PPP2R3A: variants seen among roughly 807,000 people sequenced by gnomAD.
PPP2R3A encodes protein phosphatase 2 regulatory subunit B''alpha, also known as serine/threonine-protein phosphatase 2A regulatory subunit B'' subunit alpha.
In PPP2R3A, 80 loss-of-function variants were observed where a neutral mutation model predicts 106.9. The ratio of observed to expected loss-of-function variants is 0.75; its 90% CI spans 0.62 to 0.90. The LOEUF (loss-of-function observed/expected upper bound fraction) is 0.90, where lower values mean the gene tolerates loss of function less well. Among genes scored for constraint, PPP2R3A ranks in the 40% least tolerant of loss-of-function variants. The pLI, the probability that PPP2R3A is intolerant of heterozygous loss-of-function variation, is 0.00. For synonymous variants in PPP2R3A, 483 were observed against 468.3 expected (o/e 1.03, Z -0.41); for missense variants, 1,386 against 1,350.4 (o/e 1.03, Z -0.41).
At chr3:136,115,594 G>C (rs1036495602) in intron 13 of PPP2R3A, among the ~76,000 whole-genome samples, 6 of 151,634 alleles carry the variant, frequency 4.0e-5, no homozygotes, top group African/African-American at 1.5e-4. Context: ...CAAGAACCTC[G>C]TGAAGCATAT....
At position 135,972,680 on chromosome 3, in the gene PPP2R3A, A is replaced by T. The variant is rs559216468; in HGVS notation, c.-441+6831A>T. On this transcript the variant is annotated intron_variant, in intron 1 of 13. Transcript: ENST00000264977. The stretch of plus-strand genomic sequence containing the variant: ...GGGTGTGAAGTGGTGCCTCATTGTG[A>T]TTTTTATTTGTATTTCCCTAATGAC... Among the ~76,000 whole-genome samples the T allele has an allele frequency of 2.6e-4, 39 of 152,066 alleles. No homozygotes were observed. The South Asian group carries it at 7.9e-3, about 31-fold the overall frequency.
rs116276023 is a variant in PPP2R3A at position 136,089,469 on chromosome 3, G to C, written c.2838-1109G>C. Among the ~76,000 whole-genome samples the C allele has an allele frequency of 2.0e-3, 308 of 152,164 alleles. 2 individuals are homozygous for C. The highest frequency in any genetic ancestry group is 7.0e-3 in the African/African-American group (291 of 41,514). ...TCTGTTTTTGTACCAGTACCATGCT[G>C]TTTTGGATACAGTAGCCTTATAGTG... On this transcript the variant is annotated intron_variant, in intron 9 of 13. Transcript: ENST00000264977.
At chr3:135,970,078 C>T (rs1289318183) in intron 1 of PPP2R3A, among the ~76,000 whole-genome samples, 1 of 152,162 alleles carries the variant, frequency 6.6e-6, no homozygotes, top group Non-Finnish European at 1.5e-5. Flanking sequence ...TGCTGTGGTC[C>T]ACCTAAGAAA....
chr3:136,062,956 T>C (rs1936127491), intron 5 of PPP2R3A, among the ~76,000 whole-genome samples: 1 of 152,188 alleles, frequency 6.6e-6, no homozygotes, highest in Admixed American at 6.5e-5. Flanking sequence ...AGAGCTAGCA[T>C]TGCCAAGTCA....
chr3:136,071,501 T>C (rs1379341744), intron 6 of PPP2R3A, among the ~76,000 whole-genome samples: 1 of 152,210 alleles, frequency 6.6e-6, no homozygotes, highest in Non-Finnish European at 1.5e-5. Flanking sequence ...CTGTTAACCG[T>C]GACACTCTAC....
At chr3:136,101,982 G>A (rs927429912) in intron 10 of PPP2R3A, 25 bp from the exon 11 acceptor site, 22 of 1,599,470 alleles carry the variant, frequency 1.4e-5, no homozygotes, top group Non-Finnish European at 1.9e-5. Flanking sequence ...CCAGGCCCAT[G>A]ATAATGATTG....
At position 136,006,777 on chromosome 3, in the gene PPP2R3A, A is replaced by G. The variant is rs895767572; in HGVS notation, c.1995+3284A>G. 2.6e-5 allele frequency among the ~76,000 whole-genome samples: 4 copies of G among 152,240 alleles called. 1 individual carries two copies. In the South Asian group the frequency reaches 8.3e-4, roughly 31 times the overall value. ...TCCCAGGGGAATTCAGCAAGAGACT[A>G]TATAGATATATATGAATCCATTATT... On this transcript the variant is annotated intron_variant, in intron 2 of 13. Coordinates refer to ENST00000264977, the MANE Select transcript of PPP2R3A (RefSeq NM_002718.5).
rs150842373 is a variant in PPP2R3A, at chr3:136,113,563, G to A, written c.3329+7241G>A. On this transcript the variant is annotated intron_variant, in intron 13 of 13. Coordinates refer to ENST00000264977, the MANE Select transcript of PPP2R3A (RefSeq NM_002718.5). ...CAGCACTTTTTGGGAGGCCAAGGCG[G>A]GAGGATCACTTGAGGCTAGGAGTTC... Among the ~76,000 whole-genome samples the A allele has an allele frequency of 6.2e-3, 947 of 152,260 alleles. 13 individuals are homozygous for A. Among genetic ancestry groups the A allele is most frequent in the African/African-American group, 0.022 (898 of 41,556 alleles).
rs778787073 is a variant in PPP2R3A at position 136,002,264 on chromosome 3, A to G, written c.766A>G (p.Lys256Glu). ...AGACATCATAAAACAATGCATAAAG[A>G]AAAAATCAGGGAGTAGCATCAGTGA... is the stretch of plus-strand genomic sequence containing the variant. The part of the protein sequence containing the change: ...CTDIIKQCIK[K>E]KSGSSISEGS... The change falls in exon 2 of 14, where the codon AAA becomes GAA. Residue 256 changes from lysine to glutamate, a missense_variant. Physicochemically the swap from Lys to Glu is moderately conservative, Grantham distance 56. Transcript: ENST00000264977. 6.2e-6 allele frequency: 10 copies of G among 1,613,920 alleles called. No homozygotes were observed. The Admixed American group carries it at 1.7e-4, about 27-fold the overall frequency.
intron 10 of PPP2R3A, among the ~76,000 whole-genome samples, chr3:136,101,240 G>A (rs572844317): frequency 1.3e-5 from 2 of 152,290 alleles, no homozygotes; most frequent in South Asian, 2.1e-4. Flanking sequence ...TTAGTAGCAA[G>A]TACACAGAAA....
chr3:136,033,419 T>C (rs1339019626), intron 3 of PPP2R3A, among the ~76,000 whole-genome samples: 1 of 152,146 alleles, frequency 6.6e-6, no homozygotes, highest in Non-Finnish European at 1.5e-5. Flanking sequence ...TTAGGGAGGG[T>C]TCCCTGTTTC....
intron 1 of PPP2R3A, among the ~76,000 whole-genome samples, chr3:135,992,007 C>A (rs1314984658): frequency 6.6e-6 from 1 of 152,052 alleles, no homozygotes; most frequent in East Asian, 1.9e-4. Flanking sequence ...ATCAGAAAAT[C>A]TTTTCTATAA....
intron 5 of PPP2R3A, among the ~76,000 whole-genome samples, chr3:136,064,451 C>T (rs1426529564): frequency 4.0e-5 from 6 of 151,774 alleles, no homozygotes; most frequent in Non-Finnish European, 8.8e-5. Context: ...TGCATGGGTT[C>T]TATACTAATG....
chr3:136,014,887 A>G (rs1173098039), intron 2 of PPP2R3A, among the ~76,000 whole-genome samples: 1 of 152,108 alleles, frequency 6.6e-6, no homozygotes, highest in Non-Finnish European at 1.5e-5. Context: ...GAAAGTGGGC[A>G]TCCTTGTCTT....
Position 136,002,059 on chromosome 3 carries a change from G to T in PPP2R3A, c.561G>T (p.Leu187Phe). The T allele has an allele frequency of 1.2e-6, 2 of 1,613,924 alleles. No individual in the cohort carries two copies. Among genetic ancestry groups the T allele is most frequent in the South Asian group, 1.1e-5 (1 of 91,000 alleles). ...LRSSSVEEKP[L>F]SHRNSLDTNL... ...GTTCCTCAGTTGAGGAAAAACCTTT[G>T]TCTCATAGAAACTCACTGGATACGA... The change falls in exon 2 of 14, where the codon TTG becomes TTT. Residue 187 changes from leucine (L) to phenylalanine (F), a missense_variant. Coordinates refer to ENST00000264977, the MANE Select transcript of PPP2R3A (RefSeq NM_002718.5).
At chr3:135,982,002 G>A (rs1322079192) in intron 1 of PPP2R3A, among the ~76,000 whole-genome samples, 1 of 151,796 alleles carries the variant, frequency 6.6e-6, no homozygotes, top group Non-Finnish European at 1.5e-5. Context: ...GGAGAGGCAA[G>A]AGTGGAAGCA....
intron 4 of PPP2R3A, 131 bp downstream of exon 4, chr3:136,041,093 C>A: frequency 1.6e-6 from 1 of 639,846 alleles, no homozygotes; most frequent in Non-Finnish European, 2.5e-6. Flanking sequence ...AAGGAAAATT[C>A]AATGATTTAC....
intron 3 of PPP2R3A, among the ~76,000 whole-genome samples, chr3:136,032,913 T>C (rs1336965130): frequency 2.0e-5 from 3 of 152,226 alleles, no homozygotes; most frequent in East Asian, 1.9e-4. Context: ...CAGTACTATG[T>C]TGAAGAAGAG....
Position 136,145,290 on chromosome 3 carries a change from T to C in PPP2R3A, c.*124T>C. On this transcript the variant is annotated 3_prime_UTR_variant, in exon 14 of 14. Coordinates refer to ENST00000264977, the MANE Select transcript of PPP2R3A (RefSeq NM_002718.5). The stretch of plus-strand genomic sequence containing the variant: ...TTCTCCAAGTGTGTATCATCTGCAC[T>C]AGGAACTTTGTTTTTAAGCAATAGG... 1 of 1,269,524 alleles carries C rather than the reference T, an allele frequency of 7.9e-7. No individual in the cohort carries two copies. Among genetic ancestry groups the C allele is most frequent in the Non-Finnish European group, 1.0e-6 (1 of 953,760 alleles). The allele number at this position is 1,269,524 out of a possible 1,614,324, so 78.6% of individuals were successfully genotyped here. A position where few individuals can be genotyped will look rare whatever the true frequency, so the allele number is the denominator to read the frequency against.
Sources: gnomAD v4.1 joint callset for allele counts (sites outside exome capture counted in the v4.1 genomes callset) on GRCh38, gnomAD v4.1.1 for gene constraint, MANE v1.5 for transcripts, NCBI Gene and HGNC (gene_info 2026-07-23, HGNC 2026-07-21) for gene names.